Variants in BSN observed in about 807,000 individuals in gnomAD.
The protein encoded by BSN is protein bassoon.
A neutral mutation model predicts 264.8 loss-of-function variants in BSN; 57 were observed. The observed-to-expected ratio is 0.22, with a 90% CI of 0.17 to 0.27. The LOEUF (loss-of-function observed/expected upper bound fraction) is 0.27, where lower values mean the gene tolerates loss of function less well. Among genes scored for constraint, BSN ranks in the 10% least tolerant of loss-of-function variants. The probability of loss-of-function intolerance (pLI) is 1.00; values close to 1 mark genes in which losing one functional copy is unlikely to be tolerated. For missense variants in BSN, 4,615 were observed against 5,232.5 expected (o/e 0.88, Z 3.64); for synonymous variants, 2,059 against 2,137.3 (o/e 0.96, Z 1.01).
chr3:49,588,713 A>G (rs764852803), intron 1 of BSN, among the ~76,000 whole-genome samples: 1 of 152,132 alleles, frequency 6.6e-6, no homozygotes, highest in Non-Finnish European at 1.5e-5. Context: ...GTGTTGTTCA[A>G]TTTACACTTA....
intron 1 of BSN, among the ~76,000 whole-genome samples, chr3:49,605,461 T>G: frequency 4.7e-4 from 7 of 14,796 alleles, no homozygotes; most frequent in African/African-American, 2.2e-3. Flanking sequence ...ATAATATATA[T>G]TATATATAAT....
At chr3:49,565,815 T>C (rs951879914) in intron 1 of BSN, among the ~76,000 whole-genome samples, 1 of 152,228 alleles carries the variant, frequency 6.6e-6, no homozygotes, top group African/African-American at 2.4e-5. Context: ...AATGACATTT[T>C]ATTTTATTTA....
Position 49,661,549 on chromosome 3 carries a change from A to G in BSN, c.9704A>G (p.Asp3235Gly). 1.9e-6 allele frequency: 3 copies of G among 1,614,052 alleles called. No homozygotes were observed. The highest frequency in any genetic ancestry group is 2.5e-6 in the Non-Finnish European group (3 of 1,180,032). ...GTTCCTCGAAACTACGTAATGATTG[A>G]TGACATCAGTGAACTGACCAAGGAC... ...QNVPRNYVMIDDISELTKDST... is the reference protein window; with the variant it reads ...QNVPRNYVMIGDISELTKDST... The change falls in exon 6 of 12, where the codon GAT becomes GGT. Residue 3235 changes from aspartate to glycine, a missense_variant. Coordinates refer to ENST00000296452, the MANE Select transcript of BSN (RefSeq NM_003458.4).
intron 1 of BSN, among the ~76,000 whole-genome samples, chr3:49,610,309 G>A (rs2108044904): frequency 6.6e-6 from 1 of 152,286 alleles, no homozygotes; most frequent in South Asian, 2.1e-4. Context: ...CAAAGGTAGA[G>A]TTCAGAGGGT....
rs571273030 is a variant in BSN at position 49,584,312 on chromosome 3, A to G, written c.224+29486A>G. Among the ~76,000 whole-genome samples, 11 of 150,734 alleles carry G rather than the reference A, an allele frequency of 7.3e-5. No homozygotes were observed. In the South Asian group the frequency reaches 2.3e-3, roughly 32 times the overall value. On this transcript the variant is annotated intron_variant, in intron 1 of 11. Transcript: ENST00000296452. ...TTTTTTTTTATCTTTTGAAAGAACC[A>G]TCTTTTGGTTTTATTGTCTTTCTCT...
chr3:49,666,091 G>A (rs902219583), intron 11 of BSN, among the ~76,000 whole-genome samples: 4 of 152,248 alleles, frequency 2.6e-5, no homozygotes, highest in African/African-American at 9.6e-5. Flanking sequence ...CAGGACCACT[G>A]ACCATCATCC....
chr3:49,616,183 T>C (rs1024855513), intron 1 of BSN, among the ~76,000 whole-genome samples: 2 of 152,196 alleles, frequency 1.3e-5, no homozygotes, highest in Non-Finnish European at 1.5e-5. Context: ...ATATGTTTTC[T>C]TGTGCAAAAA....
In BSN at chr3:49,554,781, T is replaced by TCCCTGG; in HGVS notation, c.183_188dup (p.Pro73_Gly74dup). 1 of 1,213,748 alleles carries TCCCTGG rather than the reference T, an allele frequency of 8.2e-7. No homozygotes were observed. 75.2% of individuals were successfully genotyped at this position (1,213,748 alleles called of 1,614,324 possible). On this transcript the variant is annotated inframe_insertion, in exon 1 of 12. Transcript: ENST00000296452. ...GCGCGGTCGACCGCGGTACCACCGG[T>TCCCTGG]CCCTGGCCCCGGCCCCGGCCCCGGT... is the stretch of plus-strand genomic sequence containing the variant.
At chr3:49,573,469 T>C (rs1357261521) in intron 1 of BSN, among the ~76,000 whole-genome samples, 5 of 152,178 alleles carry the variant, frequency 3.3e-5, no homozygotes, top group African/African-American at 1.2e-4. Context: ...GGACTGGTTG[T>C]TCTGTCTTTC....
rs2051891916 is a variant in BSN, at chr3:49,580,992, T to C, written c.224+26166T>C. ...GCGCCTGTTAACTTTTTTTTTTTTTTCTTTTTGAGACAGGGTTTTGCTCTC... is the reference window on the plus strand; with the variant it reads ...GCGCCTGTTAACTTTTTTTTTTTTTCCTTTTTGAGACAGGGTTTTGCTCTC... On this transcript the variant is annotated intron_variant, in intron 1 of 11. Transcript: ENST00000296452. 4.0e-5 allele frequency among the ~76,000 whole-genome samples: 6 copies of C among 151,622 alleles called. No homozygotes were observed. The South Asian group carries it at 1.0e-3, about 26-fold the overall frequency.
chr3:49,652,758 C>T lies in BSN; in HGVS notation c.3202C>T (p.Arg1068Cys). Residue 1068 changes from arginine (R) to cysteine (C), a missense_variant, in exon 5 of 12, where the codon CGC (arginine) becomes TGC (cysteine). By Grantham distance (180) the Arg-to-Cys change is radical. Transcript: ENST00000296452. Reference protein sequence around the residue: ...KMREVEQQRIRSTARKTRRDK... With the variant: ...KMREVEQQRICSTARKTRRDK... ...GCGGGAGGTGGAGCAGCAGCGCATC[C>T]GCAGCACGGCCCGCAAGACCCGGCG... 1.3e-6 allele frequency: 2 copies of T among 1,554,726 alleles called. No individual in the cohort carries two copies. The highest frequency in any genetic ancestry group is 2.3e-5 in the East Asian group (1 of 44,376).
In BSN at chr3:49,642,676, G is replaced by C; in HGVS notation, c.1042G>C (p.Gly348Arg). 1 of 1,611,482 alleles carries C rather than the reference G, an allele frequency of 6.2e-7. No homozygotes were observed. The highest frequency in any genetic ancestry group is 2.2e-5 in the East Asian group (1 of 44,824). The change falls in exon 3 of 12, where the codon GGT becomes CGT. Residue 348 changes from glycine to arginine, a missense_variant. Coordinates refer to ENST00000296452, the MANE Select transcript of BSN (RefSeq NM_003458.4). This position sits in a 1 kb window ranked among gnomAD's most constrained non-coding sequence, Gnocchi z 7.0. Reference protein sequence around the residue: ...ATEQTQEGLTGKLFGLGASLL... With the variant: ...ATEQTQEGLTRKLFGLGASLL... Reference sequence around the variant, plus strand: ...TGAGCAGACCCAGGAGGGCCTCACTGGTAAGCTCTTCGGCCTTGGCGCGTC... The same window carrying C: ...TGAGCAGACCCAGGAGGGCCTCACTCGTAAGCTCTTCGGCCTTGGCGCGTC...
rs1211843854 is a variant in BSN at position 49,654,903 on chromosome 3, ACAGCCC to A, written c.5350_5355del (p.Ala1784_Pro1785del). Reference sequence around the variant, plus strand: ...CAAACAAGTAGAGCAGGCTGTCCAGACAGCCCCATACCGAAGTGGGCCCCGGGGAAG... The same window carrying A: ...CAAACAAGTAGAGCAGGCTGTCCAGACATACCGAAGTGGGCCCCGGGGAAG... On this transcript the variant is annotated inframe_deletion, in exon 5 of 12. Coordinates refer to ENST00000296452, the MANE Select transcript of BSN (RefSeq NM_003458.4). This position sits in a 1 kb window ranked among gnomAD's most constrained non-coding sequence, Gnocchi z 4.1. 1.2e-6 allele frequency: 2 copies of A among 1,612,690 alleles called. No individual in the cohort carries two copies. Among genetic ancestry groups the A allele is most frequent in the African/African-American group, 2.7e-5 (2 of 74,916 alleles).
chr3:49,590,664 C>T (rs182467846), intron 1 of BSN, among the ~76,000 whole-genome samples: 2 of 152,096 alleles, frequency 1.3e-5, no homozygotes. Context: ...GTTACTTCCC[C>T]CATTTTTGTG....
At chr3:49,593,805 G>T (rs78380681) in intron 1 of BSN, among the ~76,000 whole-genome samples, 717 of 108,570 alleles carry the variant, frequency 6.6e-3, no homozygotes, top group Non-Finnish European at 7.3e-3. Flanking sequence ...TTTGTTTTTT[G>T]TTTTTTTTTT....
At chr3:49,626,074 C>T (rs577693737) in intron 2 of BSN, among the ~76,000 whole-genome samples, 14 of 152,298 alleles carry the variant, frequency 9.2e-5, no homozygotes, top group African/African-American at 2.2e-4. Context: ...GCTTCTTTTT[C>T]GCCCAAGAGG....
chr3:49,672,025 CTTTT>C (rs34710169), downstream of BSN, among the ~76,000 whole-genome samples: 4 of 100,432 alleles, frequency 4.0e-5, no homozygotes, highest in African/African-American at 1.5e-4. Flanking sequence ...GTTGCTAGAC[CTTTT>C]TTTTTTTTTT....
At chr3:49,599,638 C>CG in intron 1 of BSN, among the ~76,000 whole-genome samples, 1 of 152,278 alleles carries the variant, frequency 6.6e-6, no homozygotes, top group South Asian at 2.1e-4. Flanking sequence ...TTTCCATTTG[C>CG]TGTATGCCCT....
At chr3:49,569,859 T>C (rs2051782995) in intron 1 of BSN, among the ~76,000 whole-genome samples, 1 of 151,986 alleles carries the variant, frequency 6.6e-6, no homozygotes, top group African/African-American at 2.4e-5. Flanking sequence ...AGGTGGAGGG[T>C]GTTGGCCTTC....
Sources: allele counts gnomAD v4.1 joint callset (sites outside exome capture counted in the v4.1 genomes callset), GRCh38; gene constraint gnomAD v4.1.1; non-coding constraint Gnocchi (gnomAD v3.1); transcripts MANE v1.5; gene names NCBI Gene and HGNC (gene_info 2026-07-23, HGNC 2026-07-21).